Variants in CTBP2 observed in about 807,000 individuals in gnomAD.
The protein encoded by CTBP2 is C-terminal binding protein 2.
A neutral mutation model predicts 80.3 loss-of-function variants in CTBP2; 30 were observed. That is an observed-to-expected ratio of 0.37 (90% confidence interval 0.28 to 0.51). The LOEUF (loss-of-function observed/expected upper bound fraction) is 0.51. Among genes scored for constraint, CTBP2 ranks in the 20% least tolerant of loss-of-function variants. The pLI is 0.93. For missense variants in CTBP2, 1,212 were observed against 1,375.3 expected (o/e 0.88, Z 1.88); for synonymous variants, 594 against 587.4 (o/e 1.01, Z -0.16).
intron 1 of CTBP2, among the ~76,000 whole-genome samples, chr10:125,004,802 G>A (rs1007399178): frequency 6.6e-6 from 1 of 152,218 alleles, no homozygotes; most frequent in Non-Finnish European, 1.5e-5. Context: ...AACCAGGAAG[G>A]TGTGACATTC....
intron 1 of CTBP2, among the ~76,000 whole-genome samples, chr10:125,147,220 T>C (rs1437170317): frequency 6.6e-6 from 1 of 152,134 alleles, no homozygotes; most frequent in Non-Finnish European, 1.5e-5. Context: ...CCACGTTCAC[T>C]GTGGTTTATG....
intron 1 of CTBP2, among the ~76,000 whole-genome samples, chr10:125,114,446 G>A (rs971087352): frequency 1.1e-4 from 17 of 152,046 alleles, no homozygotes; most frequent in Admixed American, 9.8e-4. Context: ...CCAGACTGTG[G>A]TCAGCTAGTT....
intron 2 of CTBP2, among the ~76,000 whole-genome samples, chr10:125,086,330 G>A (rs930954034): frequency 5.9e-5 from 9 of 152,076 alleles, no homozygotes; most frequent in African/African-American, 2.2e-4. Context: ...TCAGGAGTTC[G>A]AGACCAGCCT....
At chr10:125,119,203 A>G (rs1853892406) in intron 1 of CTBP2, among the ~76,000 whole-genome samples, 1 of 152,262 alleles carries the variant, frequency 6.6e-6, no homozygotes, top group African/African-American at 2.4e-5. Flanking sequence ...GCACACACCC[A>G]TACCACAGCG....
At chr10:125,148,772 G>C (rs1009728745) in intron 1 of CTBP2, among the ~76,000 whole-genome samples, 1 of 152,224 alleles carries the variant, frequency 6.6e-6, no homozygotes, top group African/African-American at 2.4e-5. Flanking sequence ...TTCCTTAAAT[G>C]CTGAGGAAGA....
At chr10:125,120,633 C>T (rs1443304886) in intron 1 of CTBP2, among the ~76,000 whole-genome samples, 4 of 152,188 alleles carry the variant, frequency 2.6e-5, no homozygotes, top group East Asian at 1.9e-4. Flanking sequence ...GTGATCTGCC[C>T]GCCTTGGCCT....
At chr10:125,136,782 C>T (rs754805168) in intron 1 of CTBP2, among the ~76,000 whole-genome samples, 2 of 152,230 alleles carry the variant, frequency 1.3e-5, no homozygotes, top group African/African-American at 4.8e-5. Flanking sequence ...ACCGTCCAAA[C>T]GCTGCCTATT....
intron 2 of CTBP2, among the ~76,000 whole-genome samples, chr10:125,085,407 G>A (rs1847830387): frequency 6.6e-6 from 1 of 152,184 alleles, no homozygotes; most frequent in African/African-American, 2.4e-5. Context: ...TCTCTGTAAT[G>A]ACAATGAAAG....
intron 1 of CTBP2, among the ~76,000 whole-genome samples, chr10:125,113,778 T>C (rs576963711): frequency 1.3e-5 from 2 of 152,304 alleles, no homozygotes; most frequent in African/African-American, 4.8e-5. Flanking sequence ...AAGTAGGAAA[T>C]AGACAAGTCT....
chr10:125,118,717 TG>T (rs1564963110), intron 1 of CTBP2, among the ~76,000 whole-genome samples: 1 of 14,952 alleles, frequency 6.7e-5, no homozygotes, highest in African/African-American at 2.5e-4. Context: ...GTGGAGGCGC[TG>T]GGGGGTGGGA....
At chr10:125,055,648 A>G (rs925169765) in intron 2 of CTBP2, among the ~76,000 whole-genome samples, 3 of 152,242 alleles carry the variant, frequency 2.0e-5, no homozygotes, top group Admixed American at 6.5e-5. Flanking sequence ...CACACCCCAC[A>G]ATCCCCGAAC....
chr10:125,076,995 T>A (rs894930712), intron 2 of CTBP2, among the ~76,000 whole-genome samples: 1 of 152,158 alleles, frequency 6.6e-6, no homozygotes, highest in African/African-American at 2.4e-5. Flanking sequence ...ATCCAAACTT[T>A]TACTTCCTGT....
intron 2 of CTBP2, among the ~76,000 whole-genome samples, chr10:125,070,136 AGT>A (rs1845245506): frequency 7.2e-6 from 1 of 139,548 alleles, no homozygotes; most frequent in Non-Finnish European, 1.6e-5. Flanking sequence ...CGGATCACAA[AGT>A]CAGGAGATCT....
chr10:125,028,537 C>T (rs186056220), upstream of CTBP2, among the ~76,000 whole-genome samples: 24 of 152,346 alleles, frequency 1.6e-4, no homozygotes, highest in Admixed American at 1.3e-4. Flanking sequence ...GGCTTTGAGA[C>T]GACTCTTTGG....
intron 2 of CTBP2, among the ~76,000 whole-genome samples, chr10:125,106,023 TCA>T (rs1224442896): frequency 6.6e-6 from 1 of 152,114 alleles, no homozygotes; most frequent in Admixed American, 6.5e-5. Context: ...GCTCCAAGCC[TCA>T]GAGAAATCAG....
intron 2 of CTBP2, among the ~76,000 whole-genome samples, chr10:125,074,404 G>A (rs1432203109): frequency 1.3e-5 from 2 of 152,170 alleles, no homozygotes; most frequent in African/African-American, 4.8e-5. Flanking sequence ...ACCCAGGCTG[G>A]AGTGCAGTGG....
At chr10:125,112,957 G>C (rs1852553865) in intron 1 of CTBP2, among the ~76,000 whole-genome samples, 1 of 152,168 alleles carries the variant, frequency 6.6e-6, no homozygotes, top group Non-Finnish European at 1.5e-5. Context: ...TGAATTCAAT[G>C]AGTCCTCCGA....
chr10:125,044,723 G>C, intron 2 of CTBP2, among the ~76,000 whole-genome samples: 1 of 152,128 alleles, frequency 6.6e-6, no homozygotes, highest in East Asian at 1.9e-4. Context: ...TGTGAATAAA[G>C]CCACTGCACT....
intron 2 of CTBP2, among the ~76,000 whole-genome samples, chr10:125,085,586 AC>A (rs1847856665): frequency 6.6e-6 from 1 of 152,134 alleles, no homozygotes. Flanking sequence ...AGGGCGAAGA[AC>A]CTCCAACAGT....
Sources: gnomAD v4.1 joint callset for allele counts (sites outside exome capture counted in the v4.1 genomes callset) on GRCh38, gnomAD v4.1.1 for gene constraint, MANE v1.5 for transcripts, NCBI Gene and HGNC (gene_info 2026-07-23, HGNC 2026-07-21) for gene names.